CASQ2: variants seen among roughly 807,000 people sequenced by gnomAD.
CASQ2 encodes calsequestrin-2.
In CASQ2, 49 loss-of-function variants were observed where a neutral mutation model predicts 46.5. The ratio of observed to expected loss-of-function variants is 1.05; its 90% CI spans 0.84 to 1.34. The LOEUF (loss-of-function observed/expected upper bound fraction) is 1.34. Ranked by LOEUF, CASQ2 falls within the 40% of genes most tolerant of loss-of-function variation. CASQ2 has a pLI of 0.00. For synonymous variants in CASQ2, 174 were observed against 168.5 expected (o/e 1.03, Z -0.25); for missense variants, 486 against 481.3 (o/e 1.01, Z -0.09).
chr1:115,742,786 G>GTTTA (rs1648237030), intron 2 of CASQ2, among the ~76,000 whole-genome samples: 1 of 151,816 alleles, frequency 6.6e-6, no homozygotes, highest in South Asian at 2.1e-4. Context: ...TTGTTTGTTT[G>GTTTA]TTTGTTTGTT....
chr1:115,711,591 A>G (rs1654545444), intron 8 of CASQ2, among the ~76,000 whole-genome samples: 1 of 77,302 alleles, frequency 1.3e-5, no homozygotes, highest in African/African-American at 7.5e-5. Context: ...ACTCATTTTA[A>G]GATTTTTTTT....
At chr1:115,744,760 T>A (rs1203668529) in intron 2 of CASQ2, 68 bp downstream of exon 2, 2 of 1,008,142 alleles carry the variant, frequency 2.0e-6, no homozygotes, top group African/African-American at 3.1e-5. Context: ...TAATTGCAAC[T>A]GTACTTTTCC....
intron 7 of CASQ2, among the ~76,000 whole-genome samples, chr1:115,720,134 A>G (rs1170826716): frequency 6.6e-6 from 1 of 152,156 alleles, no homozygotes; most frequent in Non-Finnish European, 1.5e-5. Context: ...TCTGGCCCCA[A>G]AGCCCACTGT....
chr1:115,745,941 A>T (rs1047525844), intron 1 of CASQ2, among the ~76,000 whole-genome samples: 1 of 152,184 alleles, frequency 6.6e-6, no homozygotes, highest in Non-Finnish European at 1.5e-5. Flanking sequence ...CACCACAAGG[A>T]TCGCTCTGTT....
intron 5 of CASQ2, among the ~76,000 whole-genome samples, chr1:115,729,889 T>G (rs1053237052): frequency 6.6e-6 from 1 of 152,174 alleles, no homozygotes; most frequent in Non-Finnish European, 1.5e-5. Flanking sequence ...AAGAAAGTGA[T>G]TTTTCGTCTC....
chr1:115,724,302 TTTTG>T (rs1315820827), intron 7 of CASQ2, among the ~76,000 whole-genome samples: 5 of 152,122 alleles, frequency 3.3e-5, no homozygotes, highest in Non-Finnish European at 5.9e-5. Flanking sequence ...AGTATTTGGT[TTTTG>T]TTTGTTTGTT....
chr1:115,741,113 C>T (rs1648161243), intron 2 of CASQ2, among the ~76,000 whole-genome samples: 4 of 152,176 alleles, frequency 2.6e-5, no homozygotes, highest in Non-Finnish European at 4.4e-5. Flanking sequence ...ACAGCTGATC[C>T]CATGTCATTC....
At chr1:115,764,246 T>A (rs1194372174) in intron 1 of CASQ2, among the ~76,000 whole-genome samples, 1 of 152,168 alleles carries the variant, frequency 6.6e-6, no homozygotes, top group Non-Finnish European at 1.5e-5. Flanking sequence ...GTAATTATTT[T>A]AAAAATATGT....
intron 7 of CASQ2, among the ~76,000 whole-genome samples, chr1:115,720,817 A>G (rs1570810492): frequency 1.3e-5 from 2 of 152,310 alleles, no homozygotes; most frequent in East Asian, 1.9e-4. Context: ...CAGGACAGCA[A>G]TGTTAGCTTT....
intron 1 of CASQ2, among the ~76,000 whole-genome samples, chr1:115,767,797 A>C (rs1384456815): frequency 1.3e-5 from 2 of 152,202 alleles, no homozygotes; most frequent in Non-Finnish European, 2.9e-5. Context: ...TACATTCTGT[A>C]ATGCTGACTG....
chr1:115,733,642 C>A (rs1647864737), intron 4 of CASQ2, among the ~76,000 whole-genome samples: 1 of 152,060 alleles, frequency 6.6e-6, no homozygotes, highest in African/African-American at 2.4e-5. Context: ...AGTGCTGTAC[C>A]TTGGTACACC....
chr1:115,722,767 G>A (rs1371124648), intron 7 of CASQ2, among the ~76,000 whole-genome samples: 1 of 152,230 alleles, frequency 6.6e-6, no homozygotes, highest in Non-Finnish European at 1.5e-5. Context: ...GCATAAGCAG[G>A]CCGGGCGTGG....
chr1:115,715,344 C>G (rs1654667419), intron 8 of CASQ2, among the ~76,000 whole-genome samples: 1 of 152,136 alleles, frequency 6.6e-6, no homozygotes, highest in Admixed American at 6.5e-5. Flanking sequence ...TAATTCAGAA[C>G]ATAAATTTGG....
At chr1:115,750,002 C>T (rs1648523253) in intron 1 of CASQ2, among the ~76,000 whole-genome samples, 1 of 152,214 alleles carries the variant, frequency 6.6e-6, no homozygotes, top group Non-Finnish European at 1.5e-5. Flanking sequence ...ATAGTCTCTA[C>T]ATTGTGACTC....
At position 115,701,285 on chromosome 1, in the gene CASQ2, C is replaced by T; in HGVS notation, c.1156G>A (p.Asp386Asn). 1 of 1,599,892 alleles carries T rather than the reference C, an allele frequency of 6.3e-7. No individual in the cohort carries two copies. The highest frequency in any genetic ancestry group is 1.3e-5 in the African/African-American group (1 of 74,700). ...DEDDDDDDNS[D>N]EEDNDDSDDD... ...TCACTGTCATCATTATCCTCTTCAT[C>T]AGAATTATCATCATCATCATCATCT... The change falls in exon 11 of 11, where the codon GAT (aspartate) becomes AAT (asparagine). Residue 386 changes from aspartate (D) to asparagine (N), a missense_variant. Coordinates refer to ENST00000261448, the MANE Select transcript of CASQ2 (RefSeq NM_001232.4).
At position 115,740,838 on chromosome 1, in the gene CASQ2, A is replaced by G. The variant is rs553194567; in HGVS notation, c.320-10T>C. 1.3e-6 allele frequency: 2 copies of G among 1,562,954 alleles called. No individual in the cohort carries two copies. Among genetic ancestry groups the G allele is most frequent in the South Asian group, 2.2e-5 (2 of 90,014 alleles). On this transcript the variant is annotated splice_polypyrimidine_tract_variant and intron_variant, in intron 2 of 10. Coordinates refer to ENST00000261448, the MANE Select transcript of CASQ2 (RefSeq NM_001232.4). ...CCTTCTTCATCAAAACCTGTAAGAAACAAAGAGGCCCACAGAGAAGGTCAT... is the reference window on the plus strand; with the variant it reads ...CCTTCTTCATCAAAACCTGTAAGAAGCAAAGAGGCCCACAGAGAAGGTCAT...
chr1:115,748,419 T>C (rs769714769), intron 1 of CASQ2, among the ~76,000 whole-genome samples: 2 of 152,130 alleles, frequency 1.3e-5, no homozygotes, highest in Non-Finnish European at 2.9e-5. Context: ...GCAAGGATTG[T>C]GAGCAGAAGC....
chr1:115,738,986 C>T (rs2101092913), intron 3 of CASQ2, among the ~76,000 whole-genome samples: 1 of 147,270 alleles, frequency 6.8e-6, no homozygotes, highest in South Asian at 2.2e-4. Flanking sequence ...ATTAGTCTTT[C>T]TGTGCCTAGC....
At chr1:115,749,252 G>A (rs921004882) in intron 1 of CASQ2, among the ~76,000 whole-genome samples, 1 of 152,146 alleles carries the variant, frequency 6.6e-6, no homozygotes, top group African/African-American at 2.4e-5. Flanking sequence ...TCTCTCCTAG[G>A]TACGCACTAC....
Sources: allele counts gnomAD v4.1 joint callset (sites outside exome capture counted in the v4.1 genomes callset), GRCh38; gene constraint gnomAD v4.1.1; transcripts MANE v1.5; gene names NCBI Gene and HGNC (gene_info 2026-07-23, HGNC 2026-07-21).